Variants in DCAF8L2 observed in about 807,000 individuals in gnomAD.
DCAF8L2 encodes DDB1- and CUL4-associated factor 8-like protein 2.
For synonymous variants in DCAF8L2, 200 were observed against 190.9 expected, an observed-to-expected ratio of 1.05 and a Z score of -0.39; for missense variants, 430 against 490.7, an observed-to-expected ratio of 0.88 and a Z score of 1.17.
chrX:27,559,647 C>T, the DCAF8L2 span, among the ~76,000 whole-genome samples: 2 of 111,892 alleles, frequency 1.8e-5, no homozygotes, highest in Non-Finnish European at 3.8e-5. Context: ...ACATCGTTCA[C>T]GTGGCCATAG....
chrX:27,679,269 A>G (rs1053461261), intron 3 of DCAF8L2, among the ~76,000 whole-genome samples: 3 of 111,047 alleles, frequency 2.7e-5, no homozygotes, highest in Non-Finnish European at 5.7e-5. Context: ...ATGCTGTGGT[A>G]GTTCATTTTT....
chrX:27,484,361 A>C, the DCAF8L2 span, among the ~76,000 whole-genome samples: 1 of 111,757 alleles, frequency 8.9e-6, no homozygotes, highest in Middle Eastern at 4.7e-3. Flanking sequence ...TATATTTAAA[A>C]GTTGTAAAAT....
At chrX:27,578,754 A>G in the DCAF8L2 span, among the ~76,000 whole-genome samples, 1 of 111,706 alleles carries the variant, frequency 9.0e-6, no homozygotes, top group Non-Finnish European at 1.9e-5. Flanking sequence ...GAATGAACAG[A>G]CACTTCTCAA....
intron 1 of DCAF8L2, among the ~76,000 whole-genome samples, chrX:27,595,126 C>T (rs1415208338): frequency 9.0e-6 from 1 of 111,158 alleles, no homozygotes; most frequent in African/African-American, 3.3e-5. Context: ...AGGACTCAGT[C>T]TTCAGGCCTC....
chrX:27,746,871 T>C lies in DCAF8L2; in HGVS notation c.-25T>C. ...GGGGCCTGGCCTTTGCAGTTCCAGA[T>C]CTACTACAGCAAACATCGTTCAAGA... On this transcript the variant is annotated 5_prime_UTR_variant, in exon 5 of 5. Transcript: ENST00000451261. 1 of 1,173,123 alleles carries C rather than the reference T, an allele frequency of 8.5e-7. No homozygotes were observed.
chrX:27,571,096 T>G, the DCAF8L2 span, among the ~76,000 whole-genome samples: 1 of 112,131 alleles, frequency 8.9e-6, no homozygotes, highest in Non-Finnish European at 1.9e-5. Context: ...AATTTCCTAC[T>G]GAGAAAATCC....
chrX:27,643,000 A>G (rs778098891), intron 2 of DCAF8L2, among the ~76,000 whole-genome samples: 1 of 112,030 alleles, frequency 8.9e-6, no homozygotes, highest in African/African-American at 3.2e-5. Context: ...TGCTATGTAT[A>G]TGCAGACACC....
chrX:27,512,399 T>C, the DCAF8L2 span, among the ~76,000 whole-genome samples: 3 of 111,249 alleles, frequency 2.7e-5, no homozygotes, highest in Admixed American at 9.6e-5. Flanking sequence ...GTAATCGTTA[T>C]CAAGATACCA....
At chrX:27,688,606 C>T (rs1451403734) in intron 3 of DCAF8L2, among the ~76,000 whole-genome samples, 2 of 111,005 alleles carry the variant, frequency 1.8e-5, no homozygotes, top group Non-Finnish European at 3.8e-5. Flanking sequence ...TTATTATTGC[C>T]TAGTGCTTTT....
At chrX:27,619,004 A>ATATCT (rs1555919667) in intron 1 of DCAF8L2, among the ~76,000 whole-genome samples, 1 of 101,664 alleles carries the variant, frequency 9.8e-6, no homozygotes, top group African/African-American at 3.6e-5. Flanking sequence ...ATCTATATCT[A>ATATCT]ATCTATCTAT....
At chrX:27,712,232 C>T (rs1931557453) in intron 3 of DCAF8L2, among the ~76,000 whole-genome samples, 1 of 111,590 alleles carries the variant, frequency 9.0e-6, no homozygotes, top group South Asian at 3.7e-4. Context: ...TGTTGACTGT[C>T]TTTTCCTTTG....
intron 1 of DCAF8L2, among the ~76,000 whole-genome samples, chrX:27,616,512 C>G (rs1205422640): frequency 9.0e-6 from 1 of 111,265 alleles, no homozygotes; most frequent in Non-Finnish European, 1.9e-5. Context: ...AAGAGCAATT[C>G]AATTGAAATT....
At chrX:27,538,188 C>G in the DCAF8L2 span, among the ~76,000 whole-genome samples, 3 of 111,019 alleles carry the variant, frequency 2.7e-5, no homozygotes, top group Non-Finnish European at 5.7e-5. Context: ...AAATTTCCCT[C>G]TAGTTTACCT....
the DCAF8L2 span, among the ~76,000 whole-genome samples, chrX:27,500,565 A>G: frequency 3.6e-5 from 4 of 111,984 alleles, no homozygotes; most frequent in African/African-American, 9.7e-5. Context: ...AAAAAAGAGC[A>G]AAATTCAATA....
chrX:27,611,330 G>A (rs752085841), intron 1 of DCAF8L2, among the ~76,000 whole-genome samples: 3 of 105,073 alleles, frequency 2.9e-5, no homozygotes, highest in East Asian at 3.0e-4. Context: ...AAGAAAGTGC[G>A]AAGCCTGGCA....
chrX:27,474,064 A>T, the DCAF8L2 span, among the ~76,000 whole-genome samples: 4,497 of 110,720 alleles, frequency 0.041, 240 homozygotes, highest in African/African-American at 0.14. Context: ...CTGACTATAA[A>T]TGTGTCCCTC....
the DCAF8L2 span, among the ~76,000 whole-genome samples, chrX:27,493,083 T>TA: frequency 3.7e-5 from 4 of 108,983 alleles, no homozygotes; most frequent in Admixed American, 3.9e-4. Flanking sequence ...AAATAAAACA[T>TA]AAAAAAATTA....
intron 3 of DCAF8L2, among the ~76,000 whole-genome samples, chrX:27,696,256 G>A (rs1211261264): frequency 2.6e-5 from 2 of 77,678 alleles, no homozygotes; most frequent in African/African-American, 4.8e-5. Context: ...AAGGAAGGAA[G>A]GAAGAGAGAG....
chrX:27,531,326 T>A, the DCAF8L2 span, among the ~76,000 whole-genome samples: 5 of 111,224 alleles, frequency 4.5e-5, no homozygotes, highest in Non-Finnish European at 7.5e-5. Flanking sequence ...TTATTCACTA[T>A]CATGAGAACA....
Sources: gnomAD v4.1 joint callset for allele counts (sites outside exome capture counted in the v4.1 genomes callset) on GRCh38, gnomAD v4.1.1 for gene constraint, MANE v1.5 for transcripts, NCBI Gene and HGNC (gene_info 2026-07-23, HGNC 2026-07-21) for gene names.